Variants in ADRA1A observed in about 807,000 individuals in gnomAD.
The protein encoded by ADRA1A is alpha-1A adrenergic receptor.
ADRA1A carries 31 observed loss-of-function variants against 29.6 expected under a neutral mutation model. The ratio of observed to expected loss-of-function variants is 1.05; its 90% CI spans 0.79 to 1.41. The LOEUF (loss-of-function observed/expected upper bound fraction) is 1.41, where lower values mean the gene tolerates loss of function less well. Ranked by LOEUF, ADRA1A falls within the 40% of genes most tolerant of loss-of-function variation. The probability of loss-of-function intolerance (pLI) is 0.00; values close to 1 mark genes in which losing one functional copy is unlikely to be tolerated. For missense variants in ADRA1A, 619 were observed against 601.1 expected, an observed-to-expected ratio of 1.03 and a Z score of -0.31; for synonymous variants, 311 against 254.3, an observed-to-expected ratio of 1.22 and a Z score of -2.12.
In ADRA1A at chr8:26,860,598, G is replaced by T. The variant is rs1813380190; in HGVS notation, c.883+3489C>A. ...AAGATGAATCTTTCACACCTTCTCTGAGGCTAAAACTGCCATCGTTCCCCA... is the reference window on the plus strand; with the variant it reads ...AAGATGAATCTTTCACACCTTCTCTTAGGCTAAAACTGCCATCGTTCCCCA... On this transcript the variant is annotated intron_variant, in intron 2 of 2. Transcript: ENST00000380573. This position sits in a 1 kb window ranked among gnomAD's most constrained non-coding sequence, Gnocchi z 4.7. Among the ~76,000 whole-genome samples, 2 of 152,114 alleles carry T rather than the reference G, an allele frequency of 1.3e-5. No individual in the cohort carries two copies. Among genetic ancestry groups the T allele is most frequent in the Admixed American group, 1.3e-4 (2 of 15,282 alleles).
Position 26,805,621 on chromosome 8 carries a change from C to T in ADRA1A, c.884-34955G>A, listed in dbSNP as rs1808917163. On this transcript the variant is annotated intron_variant, in intron 2 of 2. Transcript: ENST00000380573. This position sits in a 1 kb window ranked among gnomAD's most constrained non-coding sequence, Gnocchi z 4.8. ...AGAGGCTAAGTAACTTGCCCAAGGC[C>T]ATGGAACAAGTGAGAGATGGAACTG... 6.6e-6 allele frequency among the ~76,000 whole-genome samples: 1 copy of T among 152,152 alleles called. No homozygotes were observed. The highest frequency in any genetic ancestry group is 1.5e-5 in the Non-Finnish European group (1 of 68,028).
chr8:26,756,731 G>T (rs377474597), exon 3 of ADRA1A: 5 of 1,614,154 alleles, frequency 3.1e-6, no homozygotes, highest in Admixed American at 3.3e-5. Flanking sequence ...GGGCAGTAAG[G>T]ACAACAGTCG....
intron 2 of ADRA1A, among the ~76,000 whole-genome samples, chr8:26,788,130 A>C (rs1807538766): frequency 6.6e-6 from 1 of 152,160 alleles, no homozygotes; most frequent in Non-Finnish European, 1.5e-5. Flanking sequence ...AAATGTGCTC[A>C]CATTTCTTGC....
At chr8:26,856,480 T>G (rs977159264) in intron 2 of ADRA1A, among the ~76,000 whole-genome samples, 1 of 152,220 alleles carries the variant, frequency 6.6e-6, no homozygotes, top group African/African-American at 2.4e-5. Flanking sequence ...GTCTGGTTCT[T>G]CCCTTTCCAG....
At chr8:26,797,360 G>A (rs142684992) in intron 2 of ADRA1A, among the ~76,000 whole-genome samples, 2,635 of 152,052 alleles carry the variant, frequency 0.017, 68 homozygotes, top group African/African-American at 0.057. Context: ...GCAGTGGTGC[G>A]ATCACAGTTC....
chr8:26,765,988 A>G (rs1805757045), downstream of ADRA1A: 2 of 1,572,998 alleles, frequency 1.3e-6, no homozygotes, highest in African/African-American at 1.4e-5. Flanking sequence ...CACATAATAC[A>G]TAGCCATAGC....
chr8:26,780,209 C>T (rs1211865656), intron 2 of ADRA1A, among the ~76,000 whole-genome samples: 1 of 152,104 alleles, frequency 6.6e-6, no homozygotes, highest in African/African-American at 2.4e-5. Context: ...CTGCTCAGGC[C>T]AGGCACTTCC....
At chr8:26,788,579 A>G (rs186873713) in intron 2 of ADRA1A, among the ~76,000 whole-genome samples, 47 of 152,296 alleles carry the variant, frequency 3.1e-4, no homozygotes, top group Non-Finnish European at 4.6e-4. Flanking sequence ...CTGTCCAGCA[A>G]TGTGCTAAGT....
intron 2 of ADRA1A, chr8:26,854,016 G>A (rs1439395362): frequency 6.6e-6 from 1 of 150,840 alleles, no homozygotes; most frequent in Non-Finnish European, 1.5e-5. Flanking sequence ...CTCTCTCTCT[G>A]CCTCTCTCTC....
chr8:26,779,459 T>TTGA, intron 2 of ADRA1A: 1 of 698,784 alleles, frequency 1.4e-6, no homozygotes, highest in South Asian at 1.5e-5. Context: ...AGAACAGTAA[T>TTGA]TGATGCTACC....
intron 2 of ADRA1A, among the ~76,000 whole-genome samples, chr8:26,803,855 G>A (rs1387623304): frequency 6.6e-6 from 1 of 151,234 alleles, no homozygotes; most frequent in Non-Finnish European, 1.5e-5. Flanking sequence ...CAAATGAAAA[G>A]CGTAATGAGA....
chr8:26,788,297 A>G (rs759947656), intron 2 of ADRA1A, among the ~76,000 whole-genome samples: 5 of 152,172 alleles, frequency 3.3e-5, no homozygotes, highest in African/African-American at 7.2e-5. Flanking sequence ...AGCTGAGGCC[A>G]TATGTTTATT....
At position 26,864,049 on chromosome 8, in the gene ADRA1A, A is replaced by G; in HGVS notation, c.883+38T>C. The G allele has an allele frequency of 6.4e-7, 1 of 1,565,820 alleles. No individual in the cohort carries two copies. On this transcript the variant is annotated intron_variant, in intron 2 of 2. Transcript: ENST00000380573. The surrounding 1 kb of genome is among the most constrained non-coding windows in gnomAD (Gnocchi z 8.1). Reference sequence around the variant, plus strand: ...GTAACAGAAGCCGAGGAGGGTGAAGACCCCCAGATGCTAAAGTGAGGGGTG... The same window carrying G: ...GTAACAGAAGCCGAGGAGGGTGAAGGCCCCCAGATGCTAAAGTGAGGGGTG...
At chr8:26,820,977 C>T (rs1473745418) in intron 2 of ADRA1A, among the ~76,000 whole-genome samples, 3 of 152,058 alleles carry the variant, frequency 2.0e-5, no homozygotes, top group Admixed American at 1.3e-4. Flanking sequence ...GCAACTTCCA[C>T]CTCCTGGGTT....
rs1183648287 is a variant in ADRA1A at position 26,857,102 on chromosome 8, TGCTGGACCA to T, written c.883+6976_883+6984del. On this transcript the variant is annotated intron_variant, in intron 2 of 2. Transcript: ENST00000380573. Reference sequence around the variant, plus strand: ...TGACTGCAGAATGAAACAGCAGTGATGCTGGACCAGGTGTGAGCCTAGCTCTTCAAAGGC... The same window carrying T: ...TGACTGCAGAATGAAACAGCAGTGATGGTGTGAGCCTAGCTCTTCAAAGGC... 2.6e-5 allele frequency among the ~76,000 whole-genome samples: 4 copies of T among 152,274 alleles called. No individual in the cohort carries two copies. The East Asian group carries it at 7.7e-4, about 29-fold the overall frequency.
Position 26,797,987 on chromosome 8 carries a change from C to CTTTTTTTTTTTTTTTT in ADRA1A, c.884-27322_884-27321insAAAAAAAAAAAAAAAA, listed in dbSNP as rs35607881. 9.1e-3 allele frequency among the ~76,000 whole-genome samples: 1,347 copies of CTTTTTTTTTTTTTTTT among 147,850 alleles called. 15 individuals carry two copies. Among genetic ancestry groups the CTTTTTTTTTTTTTTTT allele is most frequent in the African/African-American group, 0.031 (1,229 of 39,442 alleles). On this transcript the variant is annotated intron_variant, in intron 2 of 2. Transcript: ENST00000380573. The stretch of plus-strand genomic sequence containing the variant: ...TCATCTGCATCGACAGTAAGTTAGT[C>CTTTTTTTTTTTTTTTT]TTTTTTTTTTGGGATGGAATCTCAC...
At position 26,757,536 on chromosome 8, in the gene ADRA1A, A is replaced by G. The variant is rs181251396; in HGVS notation, c.1270-757T>C. ...TTCCCCCACCCCCCACCTCTGCTCCATCAGGTTTGTAACACAAGCAGACAC... is the reference window on the plus strand; with the variant it reads ...TTCCCCCACCCCCCACCTCTGCTCCGTCAGGTTTGTAACACAAGCAGACAC... On this transcript the variant is annotated intron_variant, in intron 2 of 2. Transcript: ENST00000380582. Among the ~76,000 whole-genome samples, 382 of 144,418 alleles carry G rather than the reference A, an allele frequency of 2.6e-3. 1 individual carries two copies. Among genetic ancestry groups the G allele is most frequent in the African/African-American group, 9.4e-3 (358 of 38,254 alleles). 94.7% of individuals were successfully genotyped at this position (144,418 alleles called of 152,430 possible).
chr8:26,770,006 A>C lies in ADRA1A; in HGVS notation c.*143T>G. The stretch of plus-strand genomic sequence containing the variant: ...CCTGTGCCCTACCCGCTGCCTGATG[A>C]GTTGGGTCTACCACCCACCCCATTC... On this transcript the variant is annotated 3_prime_UTR_variant, in exon 3 of 3. Coordinates refer to ENST00000380573, the MANE Select transcript of ADRA1A (RefSeq NM_000680.4). 6.9e-7 allele frequency: 1 copy of C among 1,449,254 alleles called. No homozygotes were observed. The highest frequency in any genetic ancestry group is 2.4e-5 in the Admixed American group (1 of 41,266). The allele number at this position is 1,449,254 out of a possible 1,614,324, so 89.8% of individuals were successfully genotyped here.
chr8:26,864,504 C>CG lies in ADRA1A; in HGVS notation c.465_466insC (p.Val156ArgfsTer145). On this transcript the variant is annotated frameshift_variant, in exon 2 of 3. Coordinates refer to ENST00000380573, the MANE Select transcript of ADRA1A (RefSeq NM_000680.4). LOFTEE classifies it high-confidence loss of function. This position sits in a 1 kb window ranked among gnomAD's most constrained non-coding sequence, Gnocchi z 8.1. ...CCGAACAGGGGTCCAATGGATATGA[C>CG]CAGGGAGAGTGCCCAGACGCAGAGC... The CG allele has an allele frequency of 6.2e-7, 1 of 1,613,958 alleles. No individual in the cohort carries two copies. The highest frequency in any genetic ancestry group is 8.5e-7 in the Non-Finnish European group (1 of 1,180,026).
Sources: gnomAD v4.1 joint callset for allele counts (sites outside exome capture counted in the v4.1 genomes callset) on GRCh38, gnomAD v4.1.1 for gene constraint, Gnocchi (gnomAD v3.1) non-coding constraint, MANE v1.5 for transcripts, NCBI Gene and HGNC (gene_info 2026-07-23, HGNC 2026-07-21) for gene names.